The following SNTG1 variants were observed in gnomAD, a reference collection of about 807,000 sequenced individuals.
The protein encoded by SNTG1 is gamma-1-syntrophin.
In SNTG1, 39 loss-of-function variants were observed where a neutral mutation model predicts 74.7. That is an observed-to-expected ratio of 0.52 (90% CI 0.40 to 0.68). The LOEUF (loss-of-function observed/expected upper bound fraction) is 0.68, where lower values mean the gene tolerates loss of function less well. Ranked by LOEUF, SNTG1 falls within the 30% of genes least tolerant of loss-of-function variation. SNTG1 has a pLI of 0.00. For synonymous variants in SNTG1, 254 were observed against 217.1 expected, an observed-to-expected ratio of 1.17 and a Z score of -1.49; for missense variants, 685 against 609.5, an observed-to-expected ratio of 1.12 and a Z score of -1.30.
At chr8:50,729,012 G>A (rs2095506639) in intron 17 of SNTG1, among the ~76,000 whole-genome samples, 1 of 152,176 alleles carries the variant, frequency 6.6e-6, no homozygotes, top group Admixed American at 6.5e-5. Flanking sequence ...TCAATATTTA[G>A]CTTGCATGCT....
intron 1 of SNTG1, among the ~76,000 whole-genome samples, chr8:50,087,294 T>A (rs1301174050): frequency 6.6e-6 from 1 of 152,176 alleles, no homozygotes; most frequent in Non-Finnish European, 1.5e-5. Flanking sequence ...AGGGTCAAGT[T>A]TGTCTTCGAT....
intron 15 of SNTG1, among the ~76,000 whole-genome samples, chr8:50,682,489 G>A (rs2095335198): frequency 6.6e-6 from 1 of 152,120 alleles, no homozygotes; most frequent in African/African-American, 2.4e-5. Context: ...CTAGAAGCAA[G>A]GGGTCAAAGA....
At chr8:50,493,697 T>A (rs1376676251) in intron 8 of SNTG1, among the ~76,000 whole-genome samples, 4 of 151,348 alleles carry the variant, frequency 2.6e-5, no homozygotes. Context: ...AAGTGTATAA[T>A]TTTTAAAAAA....
chr8:50,640,712 T>C (rs181782519), intron 13 of SNTG1, among the ~76,000 whole-genome samples: 16 of 152,294 alleles, frequency 1.1e-4, no homozygotes, highest in African/African-American at 2.6e-4. Context: ...GCCTTTCTGC[T>C]CTTGATCTGC....
At chr8:50,467,589 T>G (rs901603109) in intron 8 of SNTG1, among the ~76,000 whole-genome samples, 3 of 151,940 alleles carry the variant, frequency 2.0e-5, no homozygotes, top group Non-Finnish European at 4.4e-5. Flanking sequence ...AAAACAAGCA[T>G]TATGTTTCAT....
chr8:50,291,353 A>G (rs1308182735), intron 2 of SNTG1, among the ~76,000 whole-genome samples: 2 of 151,174 alleles, frequency 1.3e-5, no homozygotes, highest in Non-Finnish European at 3.0e-5. Flanking sequence ...CTATTTTTTT[A>G]AAGAGTGATA....
Position 50,402,504 on chromosome 8 carries a change from C to G in SNTG1, c.162+160C>G, listed in dbSNP as rs189432123. ...TCATTAAGTAATCAGCGGCCCTGTACGAGAACCTTGCCTGGGGTCCATGAA... is the reference window on the plus strand; with the variant it reads ...TCATTAAGTAATCAGCGGCCCTGTAGGAGAACCTTGCCTGGGGTCCATGAA... On this transcript the variant is annotated intron_variant, in intron 4 of 18. Transcript: ENST00000642720. 3.9e-5 allele frequency among the ~76,000 whole-genome samples: 6 copies of G among 152,260 alleles called. No homozygotes were observed. In the East Asian group the frequency reaches 9.7e-4, roughly 25 times the overall value.
In SNTG1 at chr8:50,402,495, G is replaced by A. The variant is rs540873155; in HGVS notation, c.162+151G>A. 9.2e-5 allele frequency: 86 copies of A among 936,996 alleles called. No individual in the cohort carries two copies. The East Asian group carries it at 1.9e-3, about 21-fold the overall frequency. 58.0% of individuals were successfully genotyped at this position (936,996 alleles called of 1,614,324 possible). A position where few individuals can be genotyped will look rare whatever the true frequency, so the allele number is the denominator to read the frequency against. ...TTGCTTACATCATTAAGTAATCAGC[G>A]GCCCTGTACGAGAACCTTGCCTGGG... On this transcript the variant is annotated intron_variant, in intron 4 of 18. Coordinates refer to ENST00000642720, the MANE Select transcript of SNTG1 (RefSeq NM_018967.5).
chr8:50,148,826 C>G (rs1460439580), intron 1 of SNTG1, among the ~76,000 whole-genome samples: 1 of 152,136 alleles, frequency 6.6e-6, no homozygotes, highest in Non-Finnish European at 1.5e-5. Flanking sequence ...TGGTTCCAAT[C>G]TTTGCTATTG....
At chr8:50,306,978 T>A (rs974433373) in intron 2 of SNTG1, among the ~76,000 whole-genome samples, 2 of 152,082 alleles carry the variant, frequency 1.3e-5, no homozygotes, top group Non-Finnish European at 2.9e-5. Context: ...ATATTTACAG[T>A]ATGTGCTCTT....
At chr8:50,711,609 G>A (rs141461946) in intron 17 of SNTG1, among the ~76,000 whole-genome samples, 21 of 152,206 alleles carry the variant, frequency 1.4e-4, no homozygotes, top group Admixed American at 2.6e-4. Flanking sequence ...TATGCTAAAC[G>A]TTTGGATATA....
chr8:50,177,799 C>T (rs1360646252), intron 2 of SNTG1, among the ~76,000 whole-genome samples: 1 of 152,194 alleles, frequency 6.6e-6, no homozygotes, highest in African/African-American at 2.4e-5. Flanking sequence ...AAATGCATAT[C>T]ATGGAACCAT....
rs1214594504 is a variant in SNTG1 at position 50,394,198 on chromosome 8, C to A, written c.-27-14C>A. The A allele has an allele frequency of 6.2e-7, 1 of 1,610,392 alleles. No individual in the cohort carries two copies. The highest frequency in any genetic ancestry group is 2.2e-5 in the East Asian group (1 of 44,798). ...TGCTGTGCCTAATGGCTTACCATTT[C>A]TGTGTCTTTTCAGACGACATCCTTT... On this transcript the variant is annotated splice_polypyrimidine_tract_variant and intron_variant, in intron 2 of 18. Transcript: ENST00000642720.
intron 1 of SNTG1, among the ~76,000 whole-genome samples, chr8:50,160,463 T>C (rs1456597072): frequency 6.6e-6 from 1 of 152,214 alleles, no homozygotes; most frequent in Admixed American, 6.5e-5. Context: ...GTCATATGGA[T>C]TGCTTAAGAT....
intron 1 of SNTG1, among the ~76,000 whole-genome samples, chr8:49,937,205 CCAAA>C (rs1291137054): frequency 6.6e-6 from 1 of 151,890 alleles, no homozygotes; most frequent in Non-Finnish European, 1.5e-5. Flanking sequence ...AGAAGTCAGA[CCAAA>C]CAAAGGGAAA....
chr8:50,183,101 CTGATCT>C (rs2083265400), intron 2 of SNTG1, among the ~76,000 whole-genome samples: 1 of 152,066 alleles, frequency 6.6e-6, no homozygotes, highest in Non-Finnish European at 1.5e-5. Flanking sequence ...CTTGCTTTTC[CTGATCT>C]CCACTCTCTT....
At chr8:50,758,958 C>T (rs1413485868) in intron 18 of SNTG1, among the ~76,000 whole-genome samples, 1 of 151,670 alleles carries the variant, frequency 6.6e-6, no homozygotes, top group Admixed American at 6.6e-5. Flanking sequence ...GCGTTCTCCA[C>T]ATTCTCTCCA....
intron 9 of SNTG1, among the ~76,000 whole-genome samples, chr8:50,510,897 T>C (rs1235722985): frequency 6.6e-6 from 1 of 152,198 alleles, no homozygotes; most frequent in Non-Finnish European, 1.5e-5. Context: ...TTGAACAGTT[T>C]TTTGTGTCTC....
intron 2 of SNTG1, among the ~76,000 whole-genome samples, chr8:50,293,360 A>T (rs978016753): frequency 6.7e-6 from 1 of 149,112 alleles, no homozygotes; most frequent in East Asian, 2.0e-4. Flanking sequence ...CTCTTCTTAT[A>T]TAGAACCAGT....
Sources: allele counts gnomAD v4.1 joint callset (sites outside exome capture counted in the v4.1 genomes callset), GRCh38; gene constraint gnomAD v4.1.1; transcripts MANE v1.5; gene names NCBI Gene and HGNC (gene_info 2026-07-23, HGNC 2026-07-21).